The following RBM39 variants were observed in gnomAD, a reference collection of about 807,000 sequenced individuals.
RBM39 encodes the protein RNA binding motif protein 39, also known as RNA-binding protein 39.
RBM39 carries 12 observed loss-of-function variants against 79.6 expected under a neutral mutation model. The ratio of observed to expected loss-of-function variants is 0.15; its 90% CI spans 0.10 to 0.24. The LOEUF is 0.24. Ranked by LOEUF, RBM39 falls within the 10% of genes least tolerant of loss-of-function variation. The pLI is 1.00. For missense variants in RBM39, 243 were observed against 653.4 expected (o/e 0.37, Z 6.85); for synonymous variants, 185 against 208.4 (o/e 0.89, Z 0.97).
chr20:35,727,173 T>C (rs1423178248), intron 6 of RBM39, among the ~76,000 whole-genome samples: 2 of 147,306 alleles, frequency 1.4e-5, no homozygotes, highest in Admixed American at 6.7e-5. Flanking sequence ...TGGCAAAACC[T>C]TGTCTCTACA....
chr20:35,728,573 T>TC (rs2039017021), intron 6 of RBM39, among the ~76,000 whole-genome samples: 1 of 151,992 alleles, frequency 6.6e-6, no homozygotes, highest in Non-Finnish European at 1.5e-5. Context: ...GCTCAGGAGT[T>TC]CAAGACCAGC....
At position 35,704,562 on chromosome 20, in the gene RBM39, T is replaced by C. The variant is rs770794742; in HGVS notation, c.1512A>G (p.Ala504=). Residue 504 remains alanine (A), a synonymous_variant, in exon 17 of 17, where the codon GCA becomes GCG. Transcript: ENST00000253363. ...TGTGGTAAGTTGGAAGAGGTACATA[T>C]GCTGCTGTTATCATTTTACCTATTA... ...RWFAGKMITA[A]YVPLPTYHNL... 1.9e-6 allele frequency: 3 copies of C among 1,613,282 alleles called. No individual in the cohort carries two copies. The highest frequency in any genetic ancestry group is 1.3e-5 in the African/African-American group (1 of 74,920).
intron 3 of RBM39, among the ~76,000 whole-genome samples, chr20:35,737,693 C>T (rs1569078662): frequency 7.7e-6 from 1 of 130,152 alleles, no homozygotes; most frequent in African/African-American, 3.0e-5. Flanking sequence ...ACTAAAATTA[C>T]AAAAAATTAG....
intron 1 of RBM39, chr20:35,741,351 A>G (rs1460817151): frequency 1.3e-5 from 2 of 153,594 alleles, no homozygotes; most frequent in Non-Finnish European, 2.9e-5. Flanking sequence ...CGTTTTTCAA[A>G]TCGACTGAAT....
chr20:35,705,777 A>G (rs2425073), intron 14 of RBM39, among the ~76,000 whole-genome samples: 39,026 of 151,130 alleles, frequency 0.26, 5,832 homozygotes, highest in African/African-American at 0.42. Context: ...CAGCCTAGGT[A>G]ACTCCGTCTC....
chr20:35,737,166 T>G (rs568267479), intron 3 of RBM39, among the ~76,000 whole-genome samples: 2 of 146,744 alleles, frequency 1.4e-5, no homozygotes, highest in East Asian at 2.2e-4. Context: ...CCAAGGCAGG[T>G]GGATCACGAG....
At chr20:35,739,751 A>T in intron 2 of RBM39, 1 of 304,236 alleles carries the variant, frequency 3.3e-6, no homozygotes, top group South Asian at 2.9e-5. Context: ...TCTAAGCATT[A>T]CAAAATTACA....
chr20:35,728,492 C>T (rs942314681), intron 6 of RBM39, among the ~76,000 whole-genome samples: 7 of 151,960 alleles, frequency 4.6e-5, no homozygotes, highest in African/African-American at 1.7e-4. Flanking sequence ...ATTAAAATAA[C>T]TTTAGACTGG....
Position 35,708,207 on chromosome 20 carries a change from CAT to C in RBM39, c.1226-1008_1226-1007del, listed in dbSNP as rs761173244. On this transcript the variant is annotated intron_variant, in intron 13 of 16. Transcript: ENST00000253363. The stretch of plus-strand genomic sequence containing the variant: ...TAAATAAAACAAAATTTTAATATAA[CAT>C]GTCAAATTCTGCTGGAAAAAAGTTA... Among the ~76,000 whole-genome samples the C allele has an allele frequency of 1.6e-4, 24 of 151,784 alleles. 1 individual carries two copies. Among genetic ancestry groups the C allele is most frequent in the Admixed American group, 3.3e-4 (5 of 15,216 alleles).
Position 35,740,903 on chromosome 20 carries a change from G to A in RBM39, c.-13-16C>T, listed in dbSNP as rs1408720135. On this transcript the variant is annotated splice_polypyrimidine_tract_variant and intron_variant, in intron 1 of 16. Coordinates refer to ENST00000253363, the MANE Select transcript of RBM39 (RefSeq NM_184234.3). ...CTCTAAACGCCTAGGAAGAGAACAA[G>A]ACAATTTCTTGAGTAAACATTTCTC... 3.8e-6 allele frequency: 6 copies of A among 1,579,286 alleles called. No individual in the cohort carries two copies. In the East Asian group the frequency reaches 6.7e-5, roughly 18 times the overall value.
At chr20:35,712,873 C>T (rs2036616355) in intron 12 of RBM39, 146 bp downstream of exon 12, 1 of 619,786 alleles carries the variant, frequency 1.6e-6, no homozygotes, top group Non-Finnish European at 2.7e-6. Context: ...TATGTCTCCA[C>T]TTCCTTAAAT....
chr20:35,729,700 TG>T, intron 4 of RBM39, 173 bp from the exon 5 acceptor site: 1 of 641,008 alleles, frequency 1.6e-6, no homozygotes. Flanking sequence ...AAGCTGCCCT[TG>T]TATTTATCCA....
intron 13 of RBM39, 102 bp from the exon 14 acceptor site, chr20:35,707,303 T>G: frequency 3.2e-6 from 2 of 621,134 alleles, no homozygotes; most frequent in Non-Finnish European, 5.4e-6. Flanking sequence ...AGCATGTAAC[T>G]AGGATGTCAC....
chr20:35,726,702 A>G lies in RBM39; in HGVS notation c.417-1547T>C, dbSNP rs141113937. On this transcript the variant is annotated intron_variant, in intron 6 of 16. Transcript: ENST00000253363. ...CTATTAACATCATCTCTGTTACAAA[A>G]TATCAATTAAGGTTGTAAGTCATCC... Among the ~76,000 whole-genome samples, 474 of 152,374 alleles carry G rather than the reference A, an allele frequency of 3.1e-3. 3 individuals carry two copies. Among genetic ancestry groups the G allele is most frequent in the African/African-American group, 0.011 (443 of 41,588 alleles).
At chr20:35,713,261 T>C (rs1253147578) in intron 11 of RBM39, 165 bp from the exon 12 acceptor site, 5 of 531,336 alleles carry the variant, frequency 9.4e-6, no homozygotes, top group Non-Finnish European at 1.6e-5. Flanking sequence ...CCAAGGGAGG[T>C]GGTTCACTTA....
Position 35,702,296 on chromosome 20 carries a change from G to A in RBM39, c.*2185C>T, listed in dbSNP as rs1415097104. 6.6e-6 allele frequency: 1 copy of A among 152,276 alleles called. No homozygotes were observed. Among genetic ancestry groups the A allele is most frequent in the East Asian group, 1.9e-4 (1 of 5,206 alleles). 9.4% of individuals were successfully genotyped at this position (152,276 alleles called of 1,614,324 possible). A position where few individuals can be genotyped will look rare whatever the true frequency, so the allele number is the denominator to read the frequency against. On this transcript the variant is annotated 3_prime_UTR_variant, in exon 17 of 17. Transcript: ENST00000253363. The stretch of plus-strand genomic sequence containing the variant: ...AGATTAGTTACAGATTTTCGAACCA[G>A]TGGGATGCTGACTCAGGAACTGATT...
intron 2 of RBM39, 88 bp downstream of exon 2, chr20:35,740,736 G>A (rs952219589): frequency 7.1e-7 from 1 of 1,400,468 alleles, no homozygotes; most frequent in Non-Finnish European, 1.0e-6. Context: ...AGAGGGCTCC[G>A]GGGAGGTTAG....
At chr20:35,719,536 GCGT>G (rs2037626723) in intron 9 of RBM39, among the ~76,000 whole-genome samples, 1 of 151,900 alleles carries the variant, frequency 6.6e-6, no homozygotes, top group Non-Finnish European at 1.5e-5. Flanking sequence ...AATTAGCTGG[GCGT>G]TGTGGTCAGA....
intron 3 of RBM39, among the ~76,000 whole-genome samples, chr20:35,735,565 C>CT (rs1212272390): frequency 1.3e-5 from 2 of 152,218 alleles, no homozygotes; most frequent in Non-Finnish European, 2.9e-5. Context: ...CAACACGGCA[C>CT]TTTCCTTTGG....
Sources: gnomAD v4.1 joint callset for allele counts (sites outside exome capture counted in the v4.1 genomes callset) on GRCh38, gnomAD v4.1.1 for gene constraint, MANE v1.5 for transcripts, NCBI Gene and HGNC (gene_info 2026-07-23, HGNC 2026-07-21) for gene names.